Variants in RUNX2 observed in about 807,000 individuals in gnomAD.
The protein encoded by RUNX2 is RUNX family transcription factor 2.
Under a neutral mutation model 51.7 loss-of-function variants are expected in RUNX2, and 10 were observed. The observed-to-expected ratio is 0.19, with a 90% CI of 0.12 to 0.33. RUNX2 has a LOEUF of 0.33. Among genes scored for constraint, RUNX2 ranks in the 10% least tolerant of loss-of-function variants. The pLI, the probability that RUNX2 is intolerant of heterozygous loss-of-function variation, is 1.00. For missense variants in RUNX2, 562 were observed against 691.3 expected (o/e 0.81, Z 2.10); for synonymous variants, 276 against 273.6 (o/e 1.01, Z -0.09).
chr6:45,495,648 C>T (rs1800622905), intron 6 of RUNX2, among the ~76,000 whole-genome samples: 2 of 152,170 alleles, frequency 1.3e-5, no homozygotes, highest in African/African-American at 2.4e-5. Flanking sequence ...AGCTTTTACC[C>T]CAAAACTGTA....
chr6:45,396,212 T>C (rs1215228627), intron 2 of RUNX2, among the ~76,000 whole-genome samples: 1 of 152,184 alleles, frequency 6.6e-6, no homozygotes, highest in Non-Finnish European at 1.5e-5. Flanking sequence ...CATAAAAGCC[T>C]GAGAATTTTA....
chr6:45,509,114 T>G (rs1170463682), intron 6 of RUNX2, among the ~76,000 whole-genome samples: 1 of 152,204 alleles, frequency 6.6e-6, no homozygotes, highest in Non-Finnish European at 1.5e-5. Context: ...GAGATAGTAT[T>G]ATCATCTCCA....
At chr6:45,400,394 CA>C (rs1797687553) in intron 2 of RUNX2, among the ~76,000 whole-genome samples, 2 of 152,168 alleles carry the variant, frequency 1.3e-5, no homozygotes, top group African/African-American at 4.8e-5. Flanking sequence ...TTTCCCACCA[CA>C]AATATTGCCT....
At chr6:45,373,581 T>C (rs180696184) in intron 2 of RUNX2, among the ~76,000 whole-genome samples, 1 of 152,198 alleles carries the variant, frequency 6.6e-6, no homozygotes, top group African/African-American at 2.4e-5. Context: ...AGACAGAGTA[T>C]TGCTCTGTCG....
intron 6 of RUNX2, among the ~76,000 whole-genome samples, chr6:45,506,221 C>T (rs2150416507): frequency 1.3e-5 from 2 of 152,284 alleles, no homozygotes; most frequent in African/African-American, 4.8e-5. Context: ...CCCTGGTCCT[C>T]TGCTTTGTTC....
Position 45,389,459 on chromosome 6 carries a change from G to A in RUNX2, c.59-33134G>A, listed in dbSNP as rs114477679. On this transcript the variant is annotated intron_variant, in intron 2 of 8. Transcript: ENST00000647337. ...TGATCAAGGTGATTTAACCAAGTAT[G>A]TCTTGCTTAAAGAAATATGGCATAA... Among the ~76,000 whole-genome samples the A allele has an allele frequency of 2.7e-3, 404 of 152,310 alleles. 2 individuals carry two copies. The highest frequency in any genetic ancestry group is 8.9e-3 in the African/African-American group (369 of 41,562).
chr6:45,397,290 T>C (rs1320921680), intron 2 of RUNX2, among the ~76,000 whole-genome samples: 1 of 151,814 alleles, frequency 6.6e-6, no homozygotes, highest in Non-Finnish European at 1.5e-5. Flanking sequence ...CTTTTTTTTT[T>C]AGTAGAGATG....
intron 2 of RUNX2, among the ~76,000 whole-genome samples, chr6:45,342,023 T>C (rs1018482303): frequency 1.3e-5 from 2 of 151,008 alleles, no homozygotes; most frequent in African/African-American, 4.9e-5. Context: ...GAGACTGGAC[T>C]GAAAAATATG....
intron 5 of RUNX2, among the ~76,000 whole-genome samples, chr6:45,491,622 G>A (rs74823188): frequency 4.3e-5 from 4 of 93,512 alleles, no homozygotes; most frequent in Non-Finnish European, 6.3e-5. Context: ...TCTCCTGTTT[G>A]TTTTTTTTTT....
chr6:45,390,338 C>T (rs1193765308), intron 2 of RUNX2, among the ~76,000 whole-genome samples: 1 of 152,232 alleles, frequency 6.6e-6, no homozygotes, highest in East Asian at 1.9e-4. Flanking sequence ...CAAACCCGAA[C>T]TCCACTCTAA....
intron 6 of RUNX2, among the ~76,000 whole-genome samples, chr6:45,500,491 T>C (rs1180514151): frequency 5.9e-5 from 9 of 152,144 alleles, no homozygotes; most frequent in Admixed American, 2.0e-4. Flanking sequence ...GTGATCCATA[T>C]AGAGAATATG....
At chr6:45,357,067 C>T (rs2150226449) in intron 2 of RUNX2, among the ~76,000 whole-genome samples, 1 of 152,254 alleles carries the variant, frequency 6.6e-6, no homozygotes, top group South Asian at 2.1e-4. Flanking sequence ...AGTGCAGTGG[C>T]ACGATCTCGG....
intron 7 of RUNX2, among the ~76,000 whole-genome samples, chr6:45,533,622 A>T (rs1801932240): frequency 6.6e-6 from 1 of 152,170 alleles, no homozygotes; most frequent in Non-Finnish European, 1.5e-5. Context: ...CTACATTTGG[A>T]TTCGGAAGTT....
intron 2 of RUNX2, among the ~76,000 whole-genome samples, chr6:45,343,278 G>A (rs1304852766): frequency 6.6e-6 from 1 of 152,132 alleles, no homozygotes; most frequent in East Asian, 1.9e-4. Context: ...GGGAGGCCGA[G>A]GCGGGCAGAC....
intron 2 of RUNX2, among the ~76,000 whole-genome samples, chr6:45,388,041 G>GA (rs1193725855): frequency 2.6e-5 from 4 of 152,164 alleles, no homozygotes. Context: ...CAAAAGACTT[G>GA]AGGTTATTTA....
chr6:45,369,713 C>G lies in RUNX2; in HGVS notation c.58+40929C>G, dbSNP rs111537379. Among the ~76,000 whole-genome samples the G allele has an allele frequency of 9.1e-3, 1,378 of 152,208 alleles. 14 individuals carry two copies. The highest frequency in any genetic ancestry group is 0.028 in the South Asian group (136 of 4,826). On this transcript the variant is annotated intron_variant, in intron 2 of 8. Transcript: ENST00000647337. The stretch of plus-strand genomic sequence containing the variant: ...CACCTACTACAGGCCAAACACCGTT[C>G]TAAGAGGTAGGGATATAGTAGTGAC...
intron 5 of RUNX2, among the ~76,000 whole-genome samples, chr6:45,468,858 G>C (rs753070551): frequency 6.6e-6 from 1 of 152,120 alleles, no homozygotes; most frequent in Non-Finnish European, 1.5e-5. Context: ...AATCAAAACT[G>C]CCTCCACATA....
intron 5 of RUNX2, among the ~76,000 whole-genome samples, chr6:45,475,010 G>A (rs988601187): frequency 1.8e-4 from 28 of 151,860 alleles, no homozygotes; most frequent in African/African-American, 6.3e-4. Context: ...TGTAATCCCA[G>A]CTACTGAGGA....
chr6:45,348,614 G>A (rs1791403462), intron 2 of RUNX2, among the ~76,000 whole-genome samples: 1 of 149,186 alleles, frequency 6.7e-6, no homozygotes, highest in South Asian at 2.1e-4. Context: ...GGTGGAGGTT[G>A]CAGTGAGCCA....
Sources: allele counts gnomAD v4.1 joint callset (sites outside exome capture counted in the v4.1 genomes callset), GRCh38; gene constraint gnomAD v4.1.1; transcripts MANE v1.5; gene names NCBI Gene and HGNC (gene_info 2026-07-23, HGNC 2026-07-21).